ETFA: variants seen among roughly 807,000 people sequenced by gnomAD.
ETFA encodes the protein electron transfer flavoprotein subunit alpha, mitochondrial.
ETFA carries 22 observed loss-of-function variants against 46.2 expected under a neutral mutation model. The ratio of observed to expected loss-of-function variants is 0.48; its 90% CI spans 0.34 to 0.68. The LOEUF (loss-of-function observed/expected upper bound fraction) is 0.68, where lower values mean the gene tolerates loss of function less well. Among genes scored for constraint, ETFA ranks in the 30% least tolerant of loss-of-function variants. The pLI, the probability that ETFA is intolerant of heterozygous loss-of-function variation, is 0.01. For synonymous variants in ETFA, 131 were observed against 139.9 expected (o/e 0.94, Z 0.45); for missense variants, 345 against 401.1 (o/e 0.86, Z 1.19).
chr15:76,219,332 G>A (rs536175534), intron 11 of ETFA, among the ~76,000 whole-genome samples: 6 of 152,130 alleles, frequency 3.9e-5, no homozygotes, highest in African/African-American at 1.4e-4. Flanking sequence ...AACTCAAAAT[G>A]GATCAACAAC....
intron 9 of ETFA, among the ~76,000 whole-genome samples, chr15:76,247,050 T>G (rs1433038518): frequency 6.6e-6 from 1 of 152,190 alleles, no homozygotes; most frequent in Non-Finnish European, 1.5e-5. Flanking sequence ...AATAAAATCA[T>G]GGTCACAGAT....
At chr15:76,272,927 AACAGGCC>A (rs1359417607) in intron 9 of ETFA, among the ~76,000 whole-genome samples, 1 of 151,820 alleles carries the variant, frequency 6.6e-6, no homozygotes, top group Non-Finnish European at 1.5e-5. Context: ...ATGACAAGCA[AACAGGCC>A]ACATGATGAT....
chr15:76,241,801 CAAAAAAAA>C (rs1165964434), intron 9 of ETFA, among the ~76,000 whole-genome samples: 1 of 30,574 alleles, frequency 3.3e-5, no homozygotes, highest in Non-Finnish European at 5.1e-5. Context: ...GACTCCATCT[CAAAAAAAA>C]AAAAAAAAAA....
chr15:76,236,094 T>C (rs1461869827), intron 9 of ETFA, among the ~76,000 whole-genome samples: 4 of 152,220 alleles, frequency 2.6e-5, no homozygotes, highest in Non-Finnish European at 5.9e-5. Flanking sequence ...AAGTATATAC[T>C]AACATCACTC....
intron 4 of ETFA, 123 bp from the exon 5 acceptor site, chr15:76,288,068 C>T (rs1000175321): frequency 1.6e-5 from 11 of 708,706 alleles, no homozygotes; most frequent in East Asian, 8.7e-5. Flanking sequence ...TTTTATATTT[C>T]GTGTGCACCT....
At chr15:76,223,840 A>G (rs1161889409) in intron 11 of ETFA, among the ~76,000 whole-genome samples, 1 of 152,240 alleles carries the variant, frequency 6.6e-6, no homozygotes, top group Non-Finnish European at 1.5e-5. Flanking sequence ...CATTCTATCA[A>G]TAATGACTAC....
chr15:76,305,405 C>G (rs2039930065), intron 1 of ETFA, among the ~76,000 whole-genome samples: 1 of 152,146 alleles, frequency 6.6e-6, no homozygotes, highest in African/African-American at 2.4e-5. Flanking sequence ...GCAACTGTTT[C>G]CTCATTGATA....
At chr15:76,223,630 A>G (rs1250707366) in intron 11 of ETFA, among the ~76,000 whole-genome samples, 4 of 152,242 alleles carry the variant, frequency 2.6e-5, no homozygotes, top group Admixed American at 6.5e-5. Context: ...CTCTAGTCCA[A>G]TGTGGGCTTC....
At position 76,283,843 on chromosome 15, in the gene ETFA, A is replaced by T; in HGVS notation, c.665-18T>A. ...GCCTCGACCTCATTTAAAAAGATGA[A>T]AAAAAAAAATTAGGCAAACATCAAA... On this transcript the variant is annotated intron_variant, in intron 7 of 11. Transcript: ENST00000557943. 6.3e-7 allele frequency: 1 copy of T among 1,582,940 alleles called. No homozygotes were observed. The highest frequency in any genetic ancestry group is 8.6e-7 in the Non-Finnish European group (1 of 1,156,194).
intron 2 of ETFA, among the ~76,000 whole-genome samples, chr15:76,295,039 CA>C (rs1215911570): frequency 2.0e-5 from 3 of 152,120 alleles, no homozygotes; most frequent in Non-Finnish European, 4.4e-5. Context: ...ATAGACCCTG[CA>C]AATCATATCA....
At chr15:76,261,880 G>C (rs2039418010) in intron 9 of ETFA, among the ~76,000 whole-genome samples, 1 of 152,168 alleles carries the variant, frequency 6.6e-6, no homozygotes, top group Non-Finnish European at 1.5e-5. Flanking sequence ...CAGGTGCAGT[G>C]GTTCACACCT....
At chr15:76,277,679 T>G (rs2039608980) in intron 8 of ETFA, among the ~76,000 whole-genome samples, 1 of 152,098 alleles carries the variant, frequency 6.6e-6, no homozygotes, top group Non-Finnish European at 1.5e-5. Flanking sequence ...ATTTTTGTAT[T>G]TTTAGTACAG....
At chr15:76,239,403 TAA>T (rs1279267223) in intron 9 of ETFA, among the ~76,000 whole-genome samples, 1 of 152,224 alleles carries the variant, frequency 6.6e-6, no homozygotes, top group African/African-American at 2.4e-5. Context: ...TGAGAACACT[TAA>T]AATTTACTCT....
At chr15:76,250,843 T>G (rs1268722038) in intron 9 of ETFA, among the ~76,000 whole-genome samples, 1 of 152,008 alleles carries the variant, frequency 6.6e-6, no homozygotes, top group Non-Finnish European at 1.5e-5. Flanking sequence ...GCCCAGCCAG[T>G]AATGGTTACT....
chr15:76,225,754 CAAT>C, intron 11 of ETFA, 92 bp downstream of exon 11: 1 of 843,382 alleles, frequency 1.2e-6, no homozygotes, highest in Non-Finnish European at 2.1e-6. Flanking sequence ...CACAAACACA[CAAT>C]GTTTTCTTTT....
intron 1 of ETFA, among the ~76,000 whole-genome samples, chr15:76,309,272 AC>A (rs759791446): frequency 3.2e-4 from 48 of 151,912 alleles, no homozygotes; most frequent in East Asian, 1.4e-3. Context: ...ACACAGTGAA[AC>A]CCCCGTCTCT....
chr15:76,285,412 C>T (rs145225298), intron 7 of ETFA, among the ~76,000 whole-genome samples: 1 of 152,112 alleles, frequency 6.6e-6, no homozygotes, highest in South Asian at 2.1e-4. Flanking sequence ...AGATTTATAC[C>T]ATGCTCCCCC....
chr15:76,302,363 T>C (rs2039887743), intron 1 of ETFA, among the ~76,000 whole-genome samples: 1 of 137,742 alleles, frequency 7.3e-6, no homozygotes, highest in Non-Finnish European at 1.6e-5. Flanking sequence ...TGGAGGAACC[T>C]TGAATGCATA....
chr15:76,291,566 C>T (rs1474844283), intron 4 of ETFA, among the ~76,000 whole-genome samples: 1 of 150,956 alleles, frequency 6.6e-6, no homozygotes, highest in African/African-American at 2.4e-5. Flanking sequence ...CTGGCTAACA[C>T]AGTGAAACCC....
Sources: gnomAD v4.1 joint callset for allele counts (sites outside exome capture counted in the v4.1 genomes callset) on GRCh38, gnomAD v4.1.1 for gene constraint, MANE v1.5 for transcripts, NCBI Gene and HGNC (gene_info 2026-07-23, HGNC 2026-07-21) for gene names.